Variants in PDE4D observed in about 807,000 individuals in gnomAD.
The protein encoded by PDE4D is 3',5'-cyclic-AMP phosphodiesterase 4D.
Under a neutral mutation model 87.4 loss-of-function variants are expected in PDE4D, and 24 were observed. That is an observed-to-expected ratio of 0.27 (90% CI 0.20 to 0.39). PDE4D has a LOEUF of 0.39. Ranked by LOEUF, PDE4D falls within the 10% of genes least tolerant of loss-of-function variation. PDE4D has a pLI of 1.00. For synonymous variants in PDE4D, 384 were observed against 383.2 expected, an observed-to-expected ratio of 1.00 and a Z score of -0.02; for missense variants, 714 against 1,041.0, an observed-to-expected ratio of 0.69 and a Z score of 4.32.
intron 4 of PDE4D, among the ~76,000 whole-genome samples, chr5:59,184,563 T>TAA (rs34229817): frequency 5.9e-5 from 9 of 151,954 alleles, no homozygotes; most frequent in Middle Eastern, 3.4e-3. Flanking sequence ...AGATTTTTTT[T>TAA]AAAAAAATGG....
chr5:60,318,578 C>T (rs948471110), intron 1 of PDE4D, among the ~76,000 whole-genome samples: 1 of 151,998 alleles, frequency 6.6e-6, no homozygotes, highest in Non-Finnish European at 1.5e-5. Context: ...TCTTCCTAGC[C>T]TTGATGGTCT....
intron 1 of PDE4D, among the ~76,000 whole-genome samples, chr5:59,634,016 G>A (rs985213329): frequency 1.3e-5 from 2 of 151,214 alleles, no homozygotes; most frequent in East Asian, 1.9e-4. Flanking sequence ...CACACACACA[G>A]GCTCAAAAAT....
intron 1 of PDE4D, among the ~76,000 whole-genome samples, chr5:59,800,404 A>G (rs1466008387): frequency 6.6e-6 from 1 of 152,102 alleles, no homozygotes; most frequent in Non-Finnish European, 1.5e-5. Context: ...CTATATAGTA[A>G]ATGAAGATAT....
intron 1 of PDE4D, among the ~76,000 whole-genome samples, chr5:59,470,008 A>G (rs987417881): frequency 1.3e-5 from 2 of 152,152 alleles, no homozygotes; most frequent in African/African-American, 4.8e-5. Flanking sequence ...CTCAGGGCCC[A>G]CCAAGATAGC....
At chr5:59,548,215 G>A (rs1187256829) in intron 1 of PDE4D, among the ~76,000 whole-genome samples, 1 of 152,096 alleles carries the variant, frequency 6.6e-6, no homozygotes, top group Non-Finnish European at 1.5e-5. Context: ...TGCAACTAAA[G>A]GAGAAAACTC....
intron 1 of PDE4D, among the ~76,000 whole-genome samples, chr5:59,835,229 C>T (rs1741836478): frequency 6.6e-6 from 1 of 152,008 alleles, no homozygotes; most frequent in Non-Finnish European, 1.5e-5. Flanking sequence ...GATAATCATT[C>T]CCAAGACAAC....
At position 60,186,816 on chromosome 5, in the gene PDE4D, G is replaced by A. The variant is rs1008526601; in HGVS notation, c.-89-1129C>T. On this transcript the variant is annotated intron_variant, in intron 1 of 16. Coordinates refer to the PDE4D transcript ENST00000502484. ...AGTAGTATGAATTATACATTTAAAA[G>A]ATAAAAAACAAAGTAACTATGTATC... Among the ~76,000 whole-genome samples the A allele has an allele frequency of 2.0e-5, 3 of 151,962 alleles. No individual in the cohort carries two copies. In the East Asian group the frequency reaches 5.8e-4, roughly 29 times the overall value.
chr5:60,196,781 T>C (rs1446998477), intron 1 of PDE4D, among the ~76,000 whole-genome samples: 2 of 151,674 alleles, frequency 1.3e-5, no homozygotes, highest in African/African-American at 4.8e-5. Context: ...ATCAAGGCAC[T>C]GAGCCTTTTA....
chr5:59,090,221 C>G (rs1580740855), intron 5 of PDE4D, among the ~76,000 whole-genome samples: 1 of 149,908 alleles, frequency 6.7e-6, no homozygotes, highest in Non-Finnish European at 1.5e-5. Flanking sequence ...TTTTGAAAAA[C>G]AAACAAACAC....
chr5:60,280,600 G>A (rs1016827741), intron 1 of PDE4D, among the ~76,000 whole-genome samples: 52 of 152,220 alleles, frequency 3.4e-4, no homozygotes, highest in African/African-American at 1.2e-3. Context: ...CTGAGGCAGG[G>A]AGAGCTACAC....
At chr5:59,988,329 G>T in intron 3 of PDE4D, 1 of 526,742 alleles carries the variant, frequency 1.9e-6, no homozygotes, top group Non-Finnish European at 3.4e-6. Flanking sequence ...TGCAGATATA[G>T]AAATGTCACC....
intron 6 of PDE4D, among the ~76,000 whole-genome samples, chr5:59,021,520 CCCT>C (rs1283144106): frequency 6.6e-6 from 1 of 152,168 alleles, no homozygotes; most frequent in Non-Finnish European, 1.5e-5. Context: ...CATTCCTCAT[CCCT>C]CCTAAGGATA....
At chr5:60,195,508 A>G (rs1426968558) in intron 1 of PDE4D, among the ~76,000 whole-genome samples, 1 of 151,796 alleles carries the variant, frequency 6.6e-6, no homozygotes, top group African/African-American at 2.4e-5. Flanking sequence ...GTTTATGTCC[A>G]TATAAAACCA....
At chr5:60,284,228 T>C (rs551530549) in intron 1 of PDE4D, among the ~76,000 whole-genome samples, 16 of 152,312 alleles carry the variant, frequency 1.1e-4, no homozygotes, top group Admixed American at 9.8e-4. Flanking sequence ...TTAATGTTTC[T>C]ATTACCTGAT....
chr5:59,963,780 G>A (rs922228488), intron 3 of PDE4D, among the ~76,000 whole-genome samples: 1 of 152,074 alleles, frequency 6.6e-6, no homozygotes. Context: ...GAGAAACACA[G>A]CCCTATTCAG....
chr5:60,361,794 A>G (rs1204558267), intron 1 of PDE4D, among the ~76,000 whole-genome samples: 2 of 152,224 alleles, frequency 1.3e-5, no homozygotes, highest in Admixed American at 6.5e-5. Context: ...GCTGACCCAC[A>G]ATGGACAGAC....
chr5:59,470,228 G>A (rs1582758012), intron 1 of PDE4D, among the ~76,000 whole-genome samples: 1 of 152,160 alleles, frequency 6.6e-6, no homozygotes, highest in South Asian at 2.1e-4. Flanking sequence ...GAAACTGCAG[G>A]GACAGAGATA....
chr5:60,079,171 A>G (rs529976258), intron 2 of PDE4D, among the ~76,000 whole-genome samples: 3 of 152,260 alleles, frequency 2.0e-5, no homozygotes, highest in Non-Finnish European at 4.4e-5. Flanking sequence ...TTTGCTGGCC[A>G]TGTAAATATC....
chr5:60,092,342 C>T (rs1051627715), intron 2 of PDE4D, among the ~76,000 whole-genome samples: 2 of 151,852 alleles, frequency 1.3e-5, no homozygotes, highest in African/African-American at 4.8e-5. Flanking sequence ...TAAAAAAATA[C>T]AGTTAGATAG....
Sources: allele counts gnomAD v4.1 joint callset (sites outside exome capture counted in the v4.1 genomes callset), GRCh38; gene constraint gnomAD v4.1.1; transcripts MANE v1.5; gene names NCBI Gene and HGNC (gene_info 2026-07-23, HGNC 2026-07-21).